Variants in CSPG4 observed in about 807,000 individuals in gnomAD.
CSPG4 encodes chondroitin sulfate proteoglycan 4 (melanoma-associated).
In CSPG4, 74 loss-of-function variants were observed where a neutral mutation model predicts 139.3. The ratio of observed to expected loss-of-function variants is 0.53; its 90% CI spans 0.44 to 0.64. CSPG4 has a LOEUF of 0.64. Ranked by LOEUF, CSPG4 falls within the 30% of genes least tolerant of loss-of-function variation. The probability of loss-of-function intolerance (pLI) is 0.00; values close to 1 mark genes in which losing one functional copy is unlikely to be tolerated. For synonymous variants in CSPG4, 1,234 were observed against 1,394.2 expected (o/e 0.89, Z 2.56); for missense variants, 2,565 against 3,148.3 (o/e 0.81, Z 4.43).
At chr15:75,686,695 C>T (rs1596008088) in intron 3 of CSPG4, among the ~76,000 whole-genome samples, 1 of 152,138 alleles carries the variant, frequency 6.6e-6, no homozygotes, top group East Asian at 1.9e-4. Context: ...ACATGCAGAC[C>T]AGAAGGGTCT....
In CSPG4 at chr15:75,682,383, G is replaced by T. The variant is rs1218986746; in HGVS notation, c.4860C>A (p.Tyr1620Ter). 2 of 1,596,794 alleles carry T rather than the reference G, an allele frequency of 1.3e-6. No individual in the cohort carries two copies. The highest frequency in any genetic ancestry group is 1.1e-5 in the South Asian group (1 of 90,936). ...CTAGCTGGGGGCCCCGCACCACACG[G>T]TAGAGCAGGAGCTGGGGGTCAGTGC... Reference protein sequence around the residue: ...SAGTDPQLLLYRVVRGPQLGR... With the variant: ...SAGTDPQLLL The change falls in exon 8 of 10, where the codon TAC (tyrosine) becomes TAA (stop). Residue 1620 changes from tyrosine to a stop codon, truncating the protein, a stop_gained. Coordinates refer to ENST00000308508, the MANE Select transcript of CSPG4 (RefSeq NM_001897.5). LOFTEE classifies it high-confidence loss of function.
In CSPG4 at chr15:75,675,388, C is replaced by T; in HGVS notation, c.*162G>A. Reference sequence around the variant, plus strand: ...GTTCCAGCTCTTGACTCCACTCTGTCCCGGACCCCTGGGACTATCTCCCAG... The same window carrying T: ...GTTCCAGCTCTTGACTCCACTCTGTTCCGGACCCCTGGGACTATCTCCCAG... On this transcript the variant is annotated 3_prime_UTR_variant, in exon 10 of 10. Transcript: ENST00000308508. 4 of 725,396 alleles carry T rather than the reference C, an allele frequency of 5.5e-6. No homozygotes were observed. The highest frequency in any genetic ancestry group is 1.4e-4 in the South Asian group (2 of 14,792). The allele number at this position is 725,396 out of a possible 1,614,324, so 44.9% of individuals were successfully genotyped here. A position where few individuals can be genotyped will look rare whatever the true frequency, so the allele number is the denominator to read the frequency against.
chr15:75,695,687 T>C (rs1454683919), intron 1 of CSPG4, among the ~76,000 whole-genome samples: 2 of 151,964 alleles, frequency 1.3e-5, no homozygotes, highest in Non-Finnish European at 2.9e-5. Context: ...GAAGAGGGGC[T>C]TCAAATGGAG....
At position 75,675,555 on chromosome 15, in the gene CSPG4, C is replaced by T. The variant is rs1464557780; in HGVS notation, c.6964G>A (p.Val2322Met). Reference sequence around the variant, plus strand: ...ATCTGGGCCCAGGCCAGGCCTCACACCCAGTACTGGCCATTCTTAAGGGCA... The same window carrying T: ...ATCTGGGCCCAGGCCAGGCCTCACATCCAGTACTGGCCATTCTTAAGGGCA... ...NPALKNGQYW[V>M] is the part of the protein sequence containing the mutation. Residue 2322 changes from valine to methionine, a missense_variant, in exon 10 of 10, where the codon GTG (valine) becomes ATG (methionine). Around this residue, in one of 5 missense-constraint regions of CSPG4, gnomAD observed 2,316 missense variants for 2,818.2 expected, o/e 0.82. Coordinates refer to ENST00000308508, the MANE Select transcript of CSPG4 (RefSeq NM_001897.5). The T allele has an allele frequency of 6.7e-7, 1 of 1,500,752 alleles. No homozygotes were observed. The highest frequency in any genetic ancestry group is 8.9e-7 in the Non-Finnish European group (1 of 1,124,582). 93.0% of individuals were successfully genotyped at this position (1,500,752 alleles called of 1,614,324 possible). A position where few individuals can be genotyped will look rare whatever the true frequency, so the allele number is the denominator to read the frequency against.
chr15:75,683,202 G>T (rs958292695), intron 5 of CSPG4, among the ~76,000 whole-genome samples, 161 bp from the exon 6 acceptor site: 1 of 152,132 alleles, frequency 6.6e-6, no homozygotes, highest in Admixed American at 6.5e-5. Flanking sequence ...AGGGCCTCCC[G>T]CATTCACCTT....
rs757373576 is a variant in CSPG4, at chr15:75,682,354, C to T, written c.4889G>A (p.Arg1630Gln). The change falls in exon 8 of 10, where the codon CGG becomes CAG. Residue 1630 changes from arginine to glutamine, a missense_variant. Arg to Gln is a conservative substitution (Grantham distance 43). Transcript: ENST00000308508. Reference protein sequence around the residue: ...YRVVRGPQLGRLFHAQQDSTG... With the variant: ...YRVVRGPQLGQLFHAQQDSTG... ...GCTGTCCTGCTGGGCGTGGAACAGC[C>T]GGCCTAGCTGGGGGCCCCGCACCAC... is the stretch of plus-strand genomic sequence containing the variant. 56 of 1,596,664 alleles carry T rather than the reference C, an allele frequency of 3.5e-5. No individual in the cohort carries two copies. The highest frequency in any genetic ancestry group is 5.5e-5 in the South Asian group (5 of 90,990).
intron 8 of CSPG4, chr15:75,678,946 A>G (rs1893931354): frequency 2.8e-6 from 1 of 354,724 alleles, no homozygotes; most frequent in East Asian, 7.8e-5. Context: ...GGGATACTTC[A>G]CTCTGGGGTT....
At chr15:75,683,787 G>C (rs1353403245) in intron 5 of CSPG4, among the ~76,000 whole-genome samples, 1 of 152,112 alleles carries the variant, frequency 6.6e-6, no homozygotes, top group East Asian at 1.9e-4. Flanking sequence ...GCATTCCTGG[G>C]CTTCCTCCCC....
rs780848454 is a variant in CSPG4, at chr15:75,689,622, G to C, written c.1443C>G (p.Leu481=). 5 of 1,612,740 alleles carry C rather than the reference G, an allele frequency of 3.1e-6. No homozygotes were observed. The Admixed American group carries it at 6.7e-5, about 22-fold the overall frequency. The change falls in exon 3 of 10, where the codon CTC becomes CTG. Residue 481 remains leucine (L), a synonymous_variant. Coordinates refer to ENST00000308508, the MANE Select transcript of CSPG4 (RefSeq NM_001897.5). ...CCTGGGCTCCCGGGATGTCCAGCTC[G>C]AGCTCGCCATGGCGTGCCCCTCGGG... ...SVTRGARHGE[L]ELDIPGAQAR... is the part of the protein sequence containing the mutation.
In CSPG4 at chr15:75,687,558, T is replaced by C. The variant is rs768556468; in HGVS notation, c.3507A>G (p.Thr1169=). Residue 1169 remains threonine, a synonymous_variant, in exon 3 of 10, where the codon ACA becomes ACG. Coordinates refer to ENST00000308508, the MANE Select transcript of CSPG4 (RefSeq NM_001897.5). The surrounding 1 kb of genome is among the most constrained non-coding windows in gnomAD (Gnocchi z 5.4). ...RSGDEVHYHV[T]AGPRWGQLVR... ...CTAGCTGTCCCCAGCGAGGGCCAGCTGTGACGTGGTAGTGGACCTCATCCC... is the reference window on the plus strand; with the variant it reads ...CTAGCTGTCCCCAGCGAGGGCCAGCCGTGACGTGGTAGTGGACCTCATCCC... The C allele has an allele frequency of 9.9e-6, 16 of 1,610,952 alleles. No homozygotes were observed. The highest frequency in any genetic ancestry group is 1.7e-4 in the Middle Eastern group (1 of 6,032).
intron 1 of CSPG4, among the ~76,000 whole-genome samples, chr15:75,710,621 T>C (rs1004811737): frequency 1.4e-4 from 22 of 152,096 alleles, no homozygotes; most frequent in East Asian, 1.4e-3. Flanking sequence ...CCCCCTGACC[T>C]GGATGCCTCA....
Position 75,678,350 on chromosome 15 carries a change from A to T in CSPG4, c.4951-464T>A, listed in dbSNP as rs1248770396. On this transcript the variant is annotated intron_variant, in intron 8 of 9. Coordinates refer to ENST00000308508, the MANE Select transcript of CSPG4 (RefSeq NM_001897.5). ...TCACTTACATTAAAGCTATTTAATTAATTATTATTATTATTATTTTGAGAC... is the reference window on the plus strand; with the variant it reads ...TCACTTACATTAAAGCTATTTAATTTATTATTATTATTATTATTTTGAGAC... 5 of 183,452 alleles carry T rather than the reference A, an allele frequency of 2.7e-5. No homozygotes were observed. The East Asian group carries it at 8.3e-4, about 30-fold the overall frequency. The allele number at this position is 183,452 out of a possible 1,614,324, so 11.4% of individuals were successfully genotyped here.
chr15:75,681,970 C>A (rs759895165), intron 8 of CSPG4, among the ~76,000 whole-genome samples: 2 of 152,182 alleles, frequency 1.3e-5, no homozygotes, highest in Non-Finnish European at 2.9e-5. Context: ...CCACTAGTGC[C>A]CCCACATGGT....
chr15:75,705,611 G>A (rs189744614), intron 1 of CSPG4, among the ~76,000 whole-genome samples: 11 of 152,348 alleles, frequency 7.2e-5, no homozygotes, highest in South Asian at 4.1e-4. Context: ...TGCATAGAGC[G>A]TCAGGGCTGG....
intron 1 of CSPG4, among the ~76,000 whole-genome samples, chr15:75,702,751 G>T (rs114624675): frequency 0.011 from 1,605 of 152,334 alleles, 29 homozygotes; most frequent in African/African-American, 0.036. Flanking sequence ...GACAGAGTCT[G>T]GTGCTTGTTT....
In CSPG4 at chr15:75,688,605, G is replaced by A. The variant is rs1894102070; in HGVS notation, c.2460C>T (p.Thr820=). The A allele has an allele frequency of 2.5e-6, 4 of 1,612,840 alleles. No homozygotes were observed. The highest frequency in any genetic ancestry group is 2.2e-5 in the South Asian group (2 of 91,086). Residue 820 remains threonine (T), a synonymous_variant, in exon 3 of 10, where the codon ACC becomes ACT. Transcript: ENST00000308508. ...TLEEAGPSPP[T]FHYEVVQAPR... is the part of the protein sequence containing the mutation. The stretch of plus-strand genomic sequence containing the variant: ...GAGCCTGAACCACCTCATAATGGAA[G>A]GTTGGGGGGCTTGGGCCTGCCTCCT...
chr15:75,693,568 T>C (rs553367218), intron 1 of CSPG4, among the ~76,000 whole-genome samples: 1 of 152,052 alleles, frequency 6.6e-6, no homozygotes, highest in Non-Finnish European at 1.5e-5. Flanking sequence ...CCCAGAGGAG[T>C]CTCCCTCGTG....
chr15:75,683,380 G>A (rs1227351238), intron 5 of CSPG4, among the ~76,000 whole-genome samples: 2 of 152,244 alleles, frequency 1.3e-5, no homozygotes, highest in South Asian at 2.1e-4. Flanking sequence ...AACCCCCAGC[G>A]CTGACCAACA....
intron 1 of CSPG4, among the ~76,000 whole-genome samples, chr15:75,695,697 G>A (rs1392156051): frequency 6.6e-6 from 1 of 152,192 alleles, no homozygotes; most frequent in Non-Finnish European, 1.5e-5. Flanking sequence ...TTCAAATGGA[G>A]AGGGTGTGCA....
Sources: gnomAD v4.1 joint callset for allele counts (sites outside exome capture counted in the v4.1 genomes callset) on GRCh38, gnomAD v4.1.1 for gene constraint, gnomAD v4.1.1 regional missense constraint, Gnocchi (gnomAD v3.1) non-coding constraint, MANE v1.5 for transcripts, NCBI Gene and HGNC (gene_info 2026-07-23, HGNC 2026-07-21) for gene names.